The following PAK3 variants were observed in gnomAD, a reference collection of about 807,000 sequenced individuals.
The protein encoded by PAK3 is p21 (RAC1) activated kinase 3, also known as serine/threonine-protein kinase PAK 3.
In PAK3, 4 loss-of-function variants were observed where a neutral mutation model predicts 41.0. The observed-to-expected ratio is 0.10, with a 90% confidence interval of 0.05 to 0.22. The LOEUF is 0.22. Among genes scored for constraint, PAK3 ranks in the 10% least tolerant of loss-of-function variants. PAK3 has a pLI of 1.00. For missense variants in PAK3, 205 were observed against 409.9 expected (o/e 0.50, Z 4.32); for synonymous variants, 146 against 139.6 (o/e 1.05, Z -0.32).
At chrX:110,971,200 G>T (rs981844197) in intron 1 of PAK3, among the ~76,000 whole-genome samples, 3 of 111,850 alleles carry the variant, frequency 2.7e-5, no homozygotes, top group Non-Finnish European at 5.6e-5. Context: ...TTTATTCAGT[G>T]CTCTCAAAAT....
At chrX:111,014,337 T>TA (rs888960391) in intron 1 of PAK3, among the ~76,000 whole-genome samples, 2 of 110,658 alleles carry the variant, frequency 1.8e-5, no homozygotes, top group African/African-American at 3.3e-5. Flanking sequence ...TTTTTTCAAG[T>TA]AAAAAAAATT....
At chrX:111,092,267 CA>C (rs2092934977), upstream of PAK3, among the ~76,000 whole-genome samples, 1 of 111,861 alleles carries the variant, frequency 8.9e-6, no homozygotes, top group Admixed American at 9.5e-5. Context: ...ATTGTAAAAA[CA>C]TACAAACAAG....
At chrX:111,193,932 A>G (rs2094586852) in intron 13 of PAK3, among the ~76,000 whole-genome samples, 1 of 111,809 alleles carries the variant, frequency 8.9e-6, no homozygotes, top group Non-Finnish European at 1.9e-5. Context: ...GCACCACTGG[A>G]TAGAAAATCT....
In PAK3 at chrX:111,196,308, G is replaced by A. The variant is rs878982249; in HGVS notation, c.1211-136G>A. 9.4e-6 allele frequency: 5 copies of A among 530,328 alleles called. No homozygotes were observed. In the South Asian group the frequency reaches 1.4e-4, roughly 15 times the overall value. 43.7% of individuals were successfully genotyped at this position (530,328 alleles called of 1,213,427 possible). A position where few individuals can be genotyped will look rare whatever the true frequency, so the allele number is the denominator to read the frequency against. Reference sequence around the variant, plus strand: ...AAAATCAGGACCAGCTGAGACATCAGTTAACAAAAAGGTATGAGCTAGGCA... The same window carrying A: ...AAAATCAGGACCAGCTGAGACATCAATTAACAAAAAGGTATGAGCTAGGCA... On this transcript the variant is annotated intron_variant, in intron 15 of 17. Coordinates refer to ENST00000372007, the MANE Select transcript of PAK3 (RefSeq NM_002578.5).
intron 1 of PAK3, among the ~76,000 whole-genome samples, chrX:110,965,418 C>T (rs1445219982): frequency 8.9e-6 from 1 of 112,146 alleles, no homozygotes; most frequent in Non-Finnish European, 1.9e-5. Flanking sequence ...CTAAGGTCTG[C>T]TGCAGTGGCC....
At chrX:111,149,958 T>G (rs2094002617) in intron 7 of PAK3, among the ~76,000 whole-genome samples, 1 of 112,478 alleles carries the variant, frequency 8.9e-6, no homozygotes, top group African/African-American at 3.2e-5. Context: ...TTTTCCAAAC[T>G]TTTATGCTCT....
chrX:111,124,443 A>G (rs770614351), intron 5 of PAK3, among the ~76,000 whole-genome samples: 9 of 111,638 alleles, frequency 8.1e-5, no homozygotes, highest in Non-Finnish European at 1.5e-4. Context: ...GGTGTACCAT[A>G]ATGTGGAGAC....
intron 16 of PAK3, among the ~76,000 whole-genome samples, chrX:111,215,372 A>C (rs1603400241): frequency 1.8e-5 from 2 of 110,966 alleles, no homozygotes; most frequent in African/African-American, 6.6e-5. Context: ...CAGCCTGGCC[A>C]ACATGCTGAA....
chrX:111,022,247 CAAAGA>C (rs781529904), intron 1 of PAK3, among the ~76,000 whole-genome samples: 39 of 111,754 alleles, frequency 3.5e-4, no homozygotes, highest in Non-Finnish European at 6.8e-4. Flanking sequence ...AAAGTCAAGA[CAAAGA>C]AAAGAATCTT....
In PAK3 at chrX:111,123,137, C is replaced by T; in HGVS notation, c.34C>T (p.Pro12Ser). 8.3e-7 allele frequency: 1 copy of T among 1,204,647 alleles called. No individual in the cohort carries two copies. Residue 12 changes from proline to serine, a missense_variant, in exon 5 of 18, where the codon CCG becomes TCG. By Grantham distance (74) the Pro-to-Ser change is moderately conservative (BLOSUM62 -1). This residue lies in a region of PAK3 where 26 missense variants were observed against 27.4 expected (regional missense o/e 0.95). Coordinates refer to ENST00000372007, the MANE Select transcript of PAK3 (RefSeq NM_002578.5). ...CGGTCTGGATAATGAAGAGAAACCC[C>T]CGGCTCCTCCACTGAGGATGAATAG... ...SDGLDNEEKP[P>S]APPLRMNSNN...
At chrX:110,999,522 C>T (rs1410710967) in intron 1 of PAK3, among the ~76,000 whole-genome samples, 2 of 110,588 alleles carry the variant, frequency 1.8e-5, no homozygotes, top group South Asian at 3.8e-4. Flanking sequence ...TTTCGCTTTG[C>T]GGAGTTCTTC....
At chrX:111,001,775 G>T (rs762799694) in intron 1 of PAK3, among the ~76,000 whole-genome samples, 10 of 111,055 alleles carry the variant, frequency 9.0e-5, no homozygotes, top group African/African-American at 2.6e-4. Flanking sequence ...GTTTCCTAAG[G>T]GTTCCTCAGC....
Position 111,050,684 on chromosome X carries a change from C to T in PAK3, c.-27-72393C>T, listed in dbSNP as rs185569142. ...CACGAGCAGCTGTTGGCAGCAATCT[C>T]AGATTGTTATTCTACCCTCTTTCTT... is the stretch of plus-strand genomic sequence containing the variant. On this transcript the variant is annotated intron_variant, in intron 1 of 14. Transcript: ENST00000425146. Among the ~76,000 whole-genome samples, 12 of 112,178 alleles carry T rather than the reference C, an allele frequency of 1.1e-4. No homozygotes were observed. In the East Asian group the frequency reaches 3.4e-3, roughly 32 times the overall value.
In PAK3 at chrX:111,194,435, T is replaced by C. The variant is rs2094591445; in HGVS notation, c.1110+17T>C. ...TGCAGAGAGGTAAGCAAATAGAGCA[T>C]TTCTAGCTGAGAAGACCACCGAAAT... On this transcript the variant is annotated intron_variant, in intron 14 of 17. Coordinates refer to ENST00000372007, the MANE Select transcript of PAK3 (RefSeq NM_002578.5). 1.1e-6 allele frequency: 1 copy of C among 870,614 alleles called. No individual in the cohort carries two copies. The highest frequency in any genetic ancestry group is 2.0e-5 in the African/African-American group (1 of 50,765). 71.7% of individuals were successfully genotyped at this position (870,614 alleles called of 1,213,427 possible).
At chrX:111,081,736 T>A (rs1266991358) in intron 1 of PAK3, among the ~76,000 whole-genome samples, 2 of 111,585 alleles carry the variant, frequency 1.8e-5, no homozygotes, top group African/African-American at 6.5e-5. Flanking sequence ...CAATTAAATA[T>A]ATATGTTATA....
chrX:111,030,461 TC>T (rs1216541734), intron 1 of PAK3, among the ~76,000 whole-genome samples: 5 of 112,185 alleles, frequency 4.5e-5, no homozygotes, highest in African/African-American at 1.6e-4. Context: ...CACATGACAC[TC>T]CCTTTGAGAG....
intron 1 of PAK3, among the ~76,000 whole-genome samples, chrX:111,054,604 C>T (rs2092588192): frequency 9.0e-6 from 1 of 111,715 alleles, no homozygotes; most frequent in Admixed American, 9.5e-5. Context: ...TTTCTCCATA[C>T]ACTGTGAGCC....
chrX:111,078,480 T>G (rs1212202430), intron 1 of PAK3, among the ~76,000 whole-genome samples: 1 of 111,077 alleles, frequency 9.0e-6, no homozygotes. Context: ...TGAGGCACCA[T>G]GAACTATGCC....
intron 16 of PAK3, among the ~76,000 whole-genome samples, chrX:111,205,497 T>A (rs968042331): frequency 9.0e-6 from 1 of 110,598 alleles, no homozygotes; most frequent in Non-Finnish European, 1.9e-5. Context: ...TTGGAGACAT[T>A]TATCTCATCA....
Sources: gnomAD v4.1 joint callset for allele counts (sites outside exome capture counted in the v4.1 genomes callset) on GRCh38, gnomAD v4.1.1 for gene constraint, gnomAD v4.1.1 regional missense constraint, MANE v1.5 for transcripts, NCBI Gene and HGNC (gene_info 2026-07-23, HGNC 2026-07-21) for gene names.